Variants in CUBN observed in about 807,000 individuals in gnomAD.
CUBN encodes the protein cubilin, also known as 460 kDa receptor.
CUBN carries 282 observed loss-of-function variants against 405.3 expected under a neutral mutation model. The ratio of observed to expected loss-of-function variants is 0.70; its 90% CI spans 0.63 to 0.77. CUBN has a LOEUF of 0.77. CUBN is among the 30% of genes least tolerant of loss of function. The pLI, the probability that CUBN is intolerant of heterozygous loss-of-function variation, is 0.00. For missense variants in CUBN, 4,514 were observed against 4,475.2 expected (o/e 1.01, Z -0.25); for synonymous variants, 1,684 against 1,617.0 (o/e 1.04, Z -0.99).
intron 15 of CUBN, among the ~76,000 whole-genome samples, chr10:17,087,305 C>T (rs1384782519): frequency 6.6e-6 from 1 of 152,088 alleles, no homozygotes; most frequent in Non-Finnish European, 1.5e-5. Context: ...CACCTACGTA[C>T]AAACGGCATT....
In CUBN at chr10:17,104,719, T is replaced by C. The variant is rs893742809; in HGVS notation, c.1231-114A>G. 13 of 255,636 alleles carry C rather than the reference T, an allele frequency of 5.1e-5. 1 individual carries two copies. In the South Asian group the frequency reaches 9.0e-4, roughly 18 times the overall value. The allele number at this position is 255,636 out of a possible 1,614,324, so 15.8% of individuals were successfully genotyped here. On this transcript the variant is annotated intron_variant, in intron 11 of 66. Transcript: ENST00000377833. ...GGAGATATATAATATATAATAATTA[T>C]ATAATTATTATATATAAAATAATAT...
chr10:17,115,387 T>G (rs1305089320), intron 7 of CUBN, 84 bp downstream of exon 7: 11 of 1,562,068 alleles, frequency 7.0e-6, no homozygotes, highest in South Asian at 1.1e-5. Flanking sequence ...CTCCAGGTAG[T>G]GCTTGTATGC....
chr10:16,835,922 TG>T (rs1405187406), intron 63 of CUBN, among the ~76,000 whole-genome samples: 2 of 152,200 alleles, frequency 1.3e-5, no homozygotes, highest in African/African-American at 2.4e-5. Flanking sequence ...TAAATAAAAA[TG>T]TATATTCAAT....
chr10:16,992,597 G>A (rs986743991), intron 28 of CUBN, among the ~76,000 whole-genome samples: 4 of 152,074 alleles, frequency 2.6e-5, no homozygotes, highest in Non-Finnish European at 4.4e-5. Flanking sequence ...AAAAATCTCC[G>A]TGCAGAATTC....
At chr10:17,053,648 T>C (rs572926386) in intron 22 of CUBN, among the ~76,000 whole-genome samples, 1 of 152,208 alleles carries the variant, frequency 6.6e-6, no homozygotes, top group Non-Finnish European at 1.5e-5. Flanking sequence ...AACACCTTTC[T>C]CTCAGTAACC....
At chr10:16,929,624 A>G (rs1299318211) in intron 40 of CUBN, among the ~76,000 whole-genome samples, 2 of 152,186 alleles carry the variant, frequency 1.3e-5, no homozygotes, top group African/African-American at 4.8e-5. Context: ...AATGCTCAAA[A>G]TGGCATTCTT....
rs762695327 is a variant in CUBN, at chr10:17,109,749, G to A, written c.1016-14C>T. 9.4e-6 allele frequency: 15 copies of A among 1,603,536 alleles called. No individual in the cohort carries two copies. In the Admixed American group the frequency reaches 1.5e-4, roughly 16 times the overall value. On this transcript the variant is annotated splice_polypyrimidine_tract_variant and intron_variant, in intron 9 of 66. Transcript: ENST00000377833. ...CACCCTGGTACCCTGATGAGAACAA[G>A]AGCCAGGTCATAAGAAACAATGTCA...
rs1205949104 is a variant in CUBN at position 16,901,388 on chromosome 10, G to C, written c.8134C>G (p.Leu2712Val). 6.8e-6 allele frequency: 11 copies of C among 1,614,140 alleles called. No homozygotes were observed. The highest frequency in any genetic ancestry group is 9.3e-6 in the Non-Finnish European group (11 of 1,179,976). The change falls in exon 52 of 67, where the codon CTG becomes GTG. Residue 2712 changes from leucine to valine, a missense_variant. This residue lies in a region of CUBN where 1,186 missense variants were observed against 1,186.9 expected (regional missense o/e 1.00). Coordinates refer to ENST00000377833, the MANE Select transcript of CUBN (RefSeq NM_001081.4). ...TCCAACAGCGAAGAGCAGTGGGTCA[G>C]GCTGTCATAAGCATTTGGATAGTTG... ...SPNYPNAYDSLTHCSSLLEAP... is the reference protein window; with the variant it reads ...SPNYPNAYDSVTHCSSLLEAP...
chr10:16,986,331 C>T (rs1372062447), intron 29 of CUBN, among the ~76,000 whole-genome samples: 1 of 149,114 alleles, frequency 6.7e-6, no homozygotes, highest in African/African-American at 2.5e-5. Flanking sequence ...CCGGCCCTTG[C>T]CCACCCTCAG....
At chr10:17,003,547 A>G (rs1329340006) in intron 28 of CUBN, among the ~76,000 whole-genome samples, 3 of 152,216 alleles carry the variant, frequency 2.0e-5, no homozygotes, top group Non-Finnish European at 2.9e-5. Flanking sequence ...TTCGTTCAAC[A>G]AAAGTTTTTT....
chr10:16,900,898 T>C (rs1365577678), intron 52 of CUBN, 48 bp from the exon 53 acceptor site: 2 of 1,281,516 alleles, frequency 1.6e-6, no homozygotes, highest in Non-Finnish European at 1.1e-6. Flanking sequence ...TTATCAACTG[T>C]TACGAAGATA....
intron 19 of CUBN, among the ~76,000 whole-genome samples, chr10:17,070,301 T>C (rs1835709857): frequency 6.6e-6 from 1 of 152,226 alleles, no homozygotes; most frequent in African/African-American, 2.4e-5. Context: ...TCAGGAAGTG[T>C]GAGTCCTTCA....
At chr10:17,036,485 A>ACT (rs1353481184) in intron 27 of CUBN, among the ~76,000 whole-genome samples, 3 of 152,000 alleles carry the variant, frequency 2.0e-5, no homozygotes, top group Non-Finnish European at 4.4e-5. Context: ...GGGAGGTGTG[A>ACT]GCCTTCTCAA....
At chr10:16,832,851 C>T (rs892738792) in intron 64 of CUBN, among the ~76,000 whole-genome samples, 9 of 152,224 alleles carry the variant, frequency 5.9e-5, no homozygotes, top group African/African-American at 1.9e-4. Flanking sequence ...CCGTTCCCAC[C>T]GCAGTTCACA....
intron 54 of CUBN, among the ~76,000 whole-genome samples, chr10:16,893,246 T>TG (rs1325228945): frequency 2.0e-5 from 3 of 152,214 alleles, no homozygotes; most frequent in Admixed American, 6.5e-5. Flanking sequence ...CACATACATT[T>TG]GTAAGATATA....
At chr10:16,932,570 G>A (rs1842391341) in intron 40 of CUBN, among the ~76,000 whole-genome samples, 1 of 152,118 alleles carries the variant, frequency 6.6e-6, no homozygotes. Context: ...AAAGAGAAAT[G>A]AATACATTAC....
Position 17,065,530 on chromosome 10 carries a change from A to G in CUBN, c.3117T>C (p.Tyr1039=), listed in dbSNP as rs1426846367. The G allele has an allele frequency of 6.2e-7, 1 of 1,613,382 alleles. No homozygotes were observed. The highest frequency in any genetic ancestry group is 1.7e-5 in the Admixed American group (1 of 59,978). Residue 1039 remains tyrosine, a synonymous_variant, in exon 22 of 67, where the codon TAT becomes TAC. Transcript: ENST00000377833. The stretch of plus-strand genomic sequence containing the variant: ...TACCTGTTGCTGCACTGATTGCTTC[A>G]TAGTTTATTAAGAAGCCTTCATAAG... The part of the protein sequence containing the change: ...DLAYEGFLIN[Y]EAISAATACL...
intron 39 of CUBN, among the ~76,000 whole-genome samples, chr10:16,934,026 T>C (rs1183989652): frequency 6.6e-6 from 1 of 152,186 alleles, no homozygotes; most frequent in Non-Finnish European, 1.5e-5. Flanking sequence ...ACTGGAATAA[T>C]GGCAATGCTG....
chr10:17,042,461 T>G (rs1193648216), intron 26 of CUBN, among the ~76,000 whole-genome samples: 2 of 152,184 alleles, frequency 1.3e-5, no homozygotes, highest in East Asian at 3.8e-4. Context: ...TAGTTTGCTC[T>G]GATTTTGCCT....
Sources: gnomAD v4.1 joint callset for allele counts (sites outside exome capture counted in the v4.1 genomes callset) on GRCh38, gnomAD v4.1.1 for gene constraint, gnomAD v4.1.1 regional missense constraint, MANE v1.5 for transcripts, NCBI Gene and HGNC (gene_info 2026-07-23, HGNC 2026-07-21) for gene names.